Variants in TSPEAR observed in about 807,000 individuals in gnomAD.
TSPEAR encodes the protein thrombospondin type laminin G domain and EAR repeats, also known as thrombospondin-type laminin G domain and EAR repeat-containing protein.
Under a neutral mutation model 71.6 loss-of-function variants are expected in TSPEAR, and 69 were observed. That is an observed-to-expected ratio of 0.96 (90% CI 0.79 to 1.18). The LOEUF is 1.18. Ranked by LOEUF, TSPEAR falls within the 50% of genes most tolerant of loss-of-function variation. The probability of loss-of-function intolerance (pLI) is 0.00; values close to 1 mark genes in which losing one functional copy is unlikely to be tolerated. For missense variants in TSPEAR, 971 were observed against 894.9 expected (o/e 1.09, Z -1.09); for synonymous variants, 402 against 387.2 (o/e 1.04, Z -0.45).
At chr21:44,702,187 A>C (rs1987681494) in intron 1 of TSPEAR, 1 of 1,522,188 alleles carries the variant, frequency 6.6e-7, no homozygotes, top group Non-Finnish European at 8.9e-7. Context: ...CACCCCACAG[A>C]GCAAAAGCTC....
At chr21:44,501,925 T>G (rs2052039896) in intron 11 of TSPEAR, among the ~76,000 whole-genome samples, 1 of 152,236 alleles carries the variant, frequency 6.6e-6, no homozygotes, top group African/African-American at 2.4e-5. Flanking sequence ...CAGTGTGTAT[T>G]TACTGTTAGG....
intron 1 of TSPEAR, chr21:44,681,935 G>A (rs1340079179): frequency 6.2e-6 from 10 of 1,614,058 alleles, no homozygotes; most frequent in African/African-American, 2.7e-5. Flanking sequence ...CCGCATACAC[G>A]ACGGGCCTGC....
At chr21:44,676,605 G>C (rs1357713402) in intron 1 of TSPEAR, 10 of 743,592 alleles carry the variant, frequency 1.3e-5, no homozygotes, top group Non-Finnish European at 2.5e-5. Context: ...TCTCAGACAG[G>C]TTCTGCTCAA....
chr21:44,505,678 G>A (rs1229842792), intron 10 of TSPEAR, among the ~76,000 whole-genome samples: 1 of 150,498 alleles, frequency 6.6e-6, no homozygotes, highest in Non-Finnish European at 1.5e-5. Flanking sequence ...TTTGTCCTTT[G>A]TGTCTGCCTT....
chr21:44,707,191 G>T (rs1987967773), intron 1 of TSPEAR, among the ~76,000 whole-genome samples: 1 of 152,118 alleles, frequency 6.6e-6, no homozygotes, highest in Admixed American at 6.5e-5. Flanking sequence ...GGACGGGGGT[G>T]ACAGCCAGGA....
At chr21:44,601,778 C>A in intron 1 of TSPEAR, 1 of 1,575,468 alleles carries the variant, frequency 6.3e-7, no homozygotes, top group Non-Finnish European at 8.6e-7. Context: ...CTCACTGCCA[C>A]CTGCACCCCT....
At chr21:44,706,598 G>A (rs897091931) in intron 1 of TSPEAR, among the ~76,000 whole-genome samples, 1 of 152,202 alleles carries the variant, frequency 6.6e-6, no homozygotes, top group African/African-American at 2.4e-5. Flanking sequence ...GTTTTGCTGG[G>A]TTGCGCTTCA....
chr21:44,584,054 C>T (rs782415969), intron 1 of TSPEAR, among the ~76,000 whole-genome samples: 5 of 152,142 alleles, frequency 3.3e-5, no homozygotes, highest in Admixed American at 1.3e-4. Context: ...TATTAATAAT[C>T]GCTGAAAGGA....
chr21:44,591,080 C>T (rs587594198), intron 1 of TSPEAR, among the ~76,000 whole-genome samples: 6 of 151,964 alleles, frequency 3.9e-5, no homozygotes, highest in South Asian at 2.1e-4. Context: ...CTGTGCCCCC[C>T]GGGGGTCCAC....
At chr21:44,682,465 G>A (rs1321972125) in intron 1 of TSPEAR, among the ~76,000 whole-genome samples, 1 of 152,224 alleles carries the variant, frequency 6.6e-6, no homozygotes, top group Non-Finnish European at 1.5e-5. Context: ...GCAGACATGA[G>A]TGGTACCCAA....
intron 11 of TSPEAR, among the ~76,000 whole-genome samples, chr21:44,504,342 G>A (rs1555911593): frequency 7.0e-6 from 1 of 143,422 alleles, no homozygotes; most frequent in East Asian, 2.3e-4. Flanking sequence ...GGAGGAAGCT[G>A]GCCTCGGTGA....
At chr21:44,637,552 G>A (rs1460553703) in intron 1 of TSPEAR, 1 of 1,613,538 alleles carries the variant, frequency 6.2e-7, no homozygotes, top group Non-Finnish European at 8.5e-7. Flanking sequence ...GCACCCCAGT[G>A]AGCTGTGTGT....
In TSPEAR at chr21:44,643,998, T is replaced by C. The variant is rs1479732907; in HGVS notation, c.82+67435A>G. ...ACGTTTTGGAAAAGAAGAATCCAAATGTGTGTCACTTGCAGAAGACCTGGC... is the reference window on the plus strand; with the variant it reads ...ACGTTTTGGAAAAGAAGAATCCAAACGTGTGTCACTTGCAGAAGACCTGGC... On this transcript the variant is annotated intron_variant, in intron 1 of 11. Coordinates refer to ENST00000323084, the MANE Select transcript of TSPEAR (RefSeq NM_144991.3). Among the ~76,000 whole-genome samples, 6 of 152,354 alleles carry C rather than the reference T, an allele frequency of 3.9e-5. No homozygotes were observed. In the South Asian group the frequency reaches 1.0e-3, roughly 26 times the overall value.
intron 2 of TSPEAR, among the ~76,000 whole-genome samples, chr21:44,547,941 C>T (rs1478011502): frequency 2.0e-5 from 3 of 152,208 alleles, no homozygotes; most frequent in African/African-American, 7.2e-5. Context: ...CTTCTGGACT[C>T]CCAAGAGTAA....
At chr21:44,650,881 G>T (rs1273034898) in intron 1 of TSPEAR, among the ~76,000 whole-genome samples, 5 of 152,196 alleles carry the variant, frequency 3.3e-5, no homozygotes, top group African/African-American at 1.2e-4. Flanking sequence ...CTCTGAAGAG[G>T]GGACAACCAT....
rs1296799699 is a variant in TSPEAR, at chr21:44,592,243, C to T, written c.83-24238G>A. 8 of 1,598,606 alleles carry T rather than the reference C, an allele frequency of 5.0e-6. No individual in the cohort carries two copies. The Admixed American group carries it at 5.1e-5, about 10-fold the overall frequency. ...GCACGAGGGCGTGCAGGAGCTGGTGCAGCCTGATTGGCAGGGGCTGGGCTC... is the reference window on the plus strand; with the variant it reads ...GCACGAGGGCGTGCAGGAGCTGGTGTAGCCTGATTGGCAGGGGCTGGGCTC... On this transcript the variant is annotated intron_variant, in intron 1 of 11. Coordinates refer to ENST00000323084, the MANE Select transcript of TSPEAR (RefSeq NM_144991.3).
rs782248498 is a variant in TSPEAR at position 44,640,040 on chromosome 21, C to G, written c.82+71393G>C. 7.2e-5 allele frequency among the ~76,000 whole-genome samples: 11 copies of G among 152,258 alleles called. 1 individual carries two copies. The highest frequency in any genetic ancestry group is 1.5e-4 in the Non-Finnish European group (10 of 68,048). ...ACCCTGTCAGTCCAGTTCTAGGCAT[C>G]TACCCCGGAGGAATGAAACAAACGT... On this transcript the variant is annotated intron_variant, in intron 1 of 11. Transcript: ENST00000323084.
At chr21:44,509,077 A>AGGAAGGTCCCCAGGCCAGTCTTTCCACG in intron 10 of TSPEAR, 122 bp downstream of exon 10, 1 of 1,351,138 alleles carries the variant, frequency 7.4e-7, no homozygotes, top group East Asian at 2.5e-5. Flanking sequence ...TTCTTTCCAC[A>AGGAAGGTCCCCAGGCCAGTCTTTCCACG]GGAAGGTCCC....
intron 1 of TSPEAR, among the ~76,000 whole-genome samples, chr21:44,622,969 C>A (rs186210002): frequency 1.3e-5 from 2 of 152,066 alleles, no homozygotes; most frequent in African/African-American, 2.4e-5. Context: ...CACCTCCCAT[C>A]CCCCACTCTC....
Sources: gnomAD v4.1 joint callset for allele counts (sites outside exome capture counted in the v4.1 genomes callset) on GRCh38, gnomAD v4.1.1 for gene constraint, MANE v1.5 for transcripts, NCBI Gene and HGNC (gene_info 2026-07-23, HGNC 2026-07-21) for gene names.